ME3: variants seen among roughly 807,000 people sequenced by gnomAD.
The protein encoded by ME3 is malic enzyme 3.
ME3 carries 48 observed loss-of-function variants against 68.9 expected under a neutral mutation model. The ratio of observed to expected loss-of-function variants is 0.70; its 90% CI spans 0.55 to 0.89. The LOEUF (loss-of-function observed/expected upper bound fraction) is 0.89. ME3 is among the 40% of genes least tolerant of loss of function. The pLI, the probability that ME3 is intolerant of heterozygous loss-of-function variation, is 0.00. For missense variants in ME3, 675 were observed against 797.4 expected (o/e 0.85, Z 1.85); for synonymous variants, 320 against 318.8 (o/e 1.00, Z -0.04).
intron 2 of ME3, among the ~76,000 whole-genome samples, chr11:86,597,782 G>C (rs1959773831): frequency 6.6e-6 from 1 of 152,030 alleles, no homozygotes; most frequent in Admixed American, 6.5e-5. Context: ...AAAGTGGTTG[G>C]GGTACAGCTT....
At chr11:86,637,349 C>CAAAAAAAAAAAAAAAA (rs11402713) in intron 2 of ME3, among the ~76,000 whole-genome samples, 2 of 122,078 alleles carry the variant, frequency 1.6e-5, no homozygotes, top group African/African-American at 3.1e-5. Flanking sequence ...ACAAGAAGCA[C>CAAAAAAAAAAAAAAAA]AAAAAAAAAA....
intron 2 of ME3, among the ~76,000 whole-genome samples, chr11:86,660,140 C>T (rs1420146588): frequency 1.3e-5 from 2 of 152,218 alleles, no homozygotes; most frequent in African/African-American, 2.4e-5. Context: ...ACTGGGAAAT[C>T]ATCACTAAAG....
intron 5 of ME3, among the ~76,000 whole-genome samples, chr11:86,500,134 C>T (rs1952621301): frequency 6.6e-6 from 1 of 152,026 alleles, no homozygotes; most frequent in Non-Finnish European, 1.5e-5. Flanking sequence ...GAGACTATGC[C>T]CTCATGCTGC....
At chr11:86,660,415 C>T (rs1946198319) in intron 2 of ME3, among the ~76,000 whole-genome samples, 1 of 152,218 alleles carries the variant, frequency 6.6e-6, no homozygotes, top group Non-Finnish European at 1.5e-5. Context: ...GGACACTTAC[C>T]ATCTGCTTTA....
chr11:86,584,933 G>A (rs182673390), intron 2 of ME3, among the ~76,000 whole-genome samples: 1 of 152,198 alleles, frequency 6.6e-6, no homozygotes, highest in African/African-American at 2.4e-5. Flanking sequence ...AGAGGGTAGA[G>A]CTCATGGCAA....
chr11:86,447,276 G>T, intron 11 of ME3, 69 bp from the exon 12 acceptor site: 1 of 1,565,872 alleles, frequency 6.4e-7, no homozygotes, highest in Non-Finnish European at 8.7e-7. Flanking sequence ...TCTGCTGGTG[G>T]TGGTGGGGGA....
intron 7 of ME3, among the ~76,000 whole-genome samples, chr11:86,482,441 T>C (rs1428596136): frequency 6.6e-6 from 1 of 152,020 alleles, no homozygotes; most frequent in Admixed American, 6.6e-5. Context: ...AGTTATTCTT[T>C]TCTCACGCCT....
chr11:86,566,726 A>T (rs1009242263), intron 2 of ME3, among the ~76,000 whole-genome samples: 2 of 152,196 alleles, frequency 1.3e-5, no homozygotes. Context: ...ATTGCTTCTT[A>T]AACCAGGATG....
chr11:86,627,172 G>A lies in ME3; in HGVS notation c.183+44590C>T, dbSNP rs1224149836. Among the ~76,000 whole-genome samples the A allele has an allele frequency of 8.5e-5, 13 of 152,306 alleles. No homozygotes were observed. In the Middle Eastern group the frequency reaches 0.01, roughly 120 times the overall value. ...TGTTGGAGACAATGTTAGAGATTTG[G>A]TTTTCTATTCTGAAAGCTCTGGAAA... On this transcript the variant is annotated intron_variant, in intron 2 of 14. Coordinates refer to ENST00000543262, the Ensembl canonical transcript of ME3.
chr11:86,647,362 G>T (rs1594773835), intron 2 of ME3, among the ~76,000 whole-genome samples: 1 of 152,096 alleles, frequency 6.6e-6, no homozygotes, highest in Admixed American at 6.5e-5. Context: ...GCGGGCACCT[G>T]TTGTCCCAGC....
Position 86,546,597 on chromosome 11 carries a change from A to G in ME3, c.467+9956T>C, listed in dbSNP as rs145206644. Among the ~76,000 whole-genome samples, 138 of 152,370 alleles carry G rather than the reference A, an allele frequency of 9.1e-4. 1 individual carries two copies. Among genetic ancestry groups the G allele is most frequent in the African/African-American group, 3.1e-3 (130 of 41,592 alleles). On this transcript the variant is annotated intron_variant, in intron 4 of 14. Transcript: ENST00000543262. ...TCATCACTGGTCATTAGAGAAACGC[A>G]AATCAAAAGCACAATGAGATACCAT...
intron 8 of ME3, among the ~76,000 whole-genome samples, chr11:86,461,841 G>A (rs929361064): frequency 1.3e-5 from 2 of 152,166 alleles, no homozygotes; most frequent in Non-Finnish European, 2.9e-5. Flanking sequence ...GTTCTTACAG[G>A]GCTCCTGCCA....
chr11:86,597,117 T>G (rs1315619190), intron 2 of ME3, among the ~76,000 whole-genome samples: 1 of 152,158 alleles, frequency 6.6e-6, no homozygotes, highest in Non-Finnish European at 1.5e-5. Context: ...TAATAACAGG[T>G]AACAGGGTCC....
chr11:86,642,148 TAA>T (rs1944710398), intron 2 of ME3, among the ~76,000 whole-genome samples: 1 of 152,234 alleles, frequency 6.6e-6, no homozygotes, highest in Admixed American at 6.5e-5. Flanking sequence ...TATTCCACCC[TAA>T]GTCTTCTAAA....
chr11:86,492,881 A>G (rs1219450959), intron 6 of ME3, among the ~76,000 whole-genome samples: 3 of 152,186 alleles, frequency 2.0e-5, no homozygotes, highest in Non-Finnish European at 4.4e-5. Context: ...TTGCATAGCA[A>G]CAGGCATTCT....
intron 2 of ME3, among the ~76,000 whole-genome samples, chr11:86,665,831 G>A (rs1242966804): frequency 1.0e-5 from 1 of 97,348 alleles, no homozygotes; most frequent in Non-Finnish European, 2.2e-5. Context: ...TAAGGGGTCT[G>A]AAAGAAAGAG....
In ME3 at chr11:86,477,431, G is replaced by A. The variant is rs151327287; in HGVS notation, c.809+9906C>T. Among the ~76,000 whole-genome samples, 920 of 152,164 alleles carry A rather than the reference G, an allele frequency of 6.0e-3. 6 individuals are homozygous for A. Among genetic ancestry groups the A allele is most frequent in the African/African-American group, 0.02 (850 of 41,524 alleles). On this transcript the variant is annotated intron_variant, in intron 7 of 14. Coordinates refer to ENST00000543262, the Ensembl canonical transcript of ME3. ...AATATTGTGTGAAGTGCTTGTATCA[G>A]TGTCTGCTTATGGTAAGCAATTAAA...
intron 4 of ME3, among the ~76,000 whole-genome samples, chr11:86,542,608 A>T (rs1284484003): frequency 6.6e-6 from 1 of 152,214 alleles, no homozygotes; most frequent in Admixed American, 6.5e-5. Flanking sequence ...TTAGAGAAAA[A>T]ATAATGAAAA....
chr11:86,654,825 C>G (rs1441084868), intron 2 of ME3, among the ~76,000 whole-genome samples: 1 of 152,178 alleles, frequency 6.6e-6, no homozygotes, highest in Non-Finnish European at 1.5e-5. Flanking sequence ...TTGCAGATGA[C>G]ATGATTGTAT....
Sources: gnomAD v4.1 joint callset for allele counts (sites outside exome capture counted in the v4.1 genomes callset) on GRCh38, gnomAD v4.1.1 for gene constraint, MANE v1.5 for transcripts, NCBI Gene and HGNC (gene_info 2026-07-23, HGNC 2026-07-21) for gene names.